CHST11: variants seen among roughly 807,000 people sequenced by gnomAD.
CHST11 encodes C4S-1.
CHST11 carries 9 observed loss-of-function variants against 30.4 expected under a neutral mutation model. The observed-to-expected ratio is 0.30, with a 90% CI of 0.18 to 0.52. The LOEUF is 0.52. CHST11 is among the 20% of genes least tolerant of loss of function. The pLI is 0.97. For synonymous variants in CHST11, 152 were observed against 187.8 expected, an observed-to-expected ratio of 0.81 and a Z score of 1.56; for missense variants, 348 against 460.6, an observed-to-expected ratio of 0.76 and a Z score of 2.24.
At chr12:104,725,379 G>T (rs1013843547) in intron 2 of CHST11, among the ~76,000 whole-genome samples, 1 of 152,162 alleles carries the variant, frequency 6.6e-6, no homozygotes, top group Non-Finnish European at 1.5e-5. Context: ...GCCCAGCCTG[G>T]TCGTATGGGT....
chr12:104,584,011 T>C (rs2038776262), intron 1 of CHST11, among the ~76,000 whole-genome samples: 1 of 151,286 alleles, frequency 6.6e-6, no homozygotes, highest in Non-Finnish European at 1.5e-5. Context: ...CCGCACCCCG[T>C]CCAAAGATCC....
At chr12:104,703,034 C>T (rs1470662998) in intron 2 of CHST11, among the ~76,000 whole-genome samples, 1 of 152,180 alleles carries the variant, frequency 6.6e-6, no homozygotes, top group African/African-American at 2.4e-5. Flanking sequence ...ACTAATCACA[C>T]GCAATGCTGG....
Position 104,620,652 on chromosome 12 carries a change from A to C in CHST11, c.204+18661A>C, listed in dbSNP as rs189982174. Among the ~76,000 whole-genome samples, 298 of 152,136 alleles carry C rather than the reference A, an allele frequency of 2.0e-3. 1 individual carries two copies. Among genetic ancestry groups the C allele is most frequent in the Middle Eastern group, 3.4e-3 (1 of 294 alleles). ...TTTATTTGTTTGTTTGTTTGTTTTT[A>C]TTACTTACCCAGAGTAAAGCGTCAT... is the stretch of plus-strand genomic sequence containing the variant. On this transcript the variant is annotated intron_variant, in intron 2 of 2. Coordinates refer to ENST00000303694, the MANE Select transcript of CHST11 (RefSeq NM_018413.6).
intron 2 of CHST11, among the ~76,000 whole-genome samples, chr12:104,737,276 G>A (rs888837714): frequency 5.9e-5 from 9 of 152,252 alleles, no homozygotes; most frequent in Non-Finnish European, 8.8e-5. Flanking sequence ...GGAGGTCATC[G>A]TGGGGGTGGC....
intron 2 of CHST11, among the ~76,000 whole-genome samples, chr12:104,637,621 G>A (rs950480869): frequency 6.6e-6 from 1 of 152,054 alleles, no homozygotes; most frequent in African/African-American, 2.4e-5. Flanking sequence ...CTCTAACAAC[G>A]TCCATGAGGG....
intron 1 of CHST11, among the ~76,000 whole-genome samples, chr12:104,472,200 C>T (rs1346184082): frequency 6.7e-6 from 1 of 150,352 alleles, no homozygotes; most frequent in African/African-American, 2.5e-5. Flanking sequence ...GTCTCAAATG[C>T]CTGGGCTCAA....
At chr12:104,617,224 T>C (rs1226405217) in intron 2 of CHST11, among the ~76,000 whole-genome samples, 1 of 151,584 alleles carries the variant, frequency 6.6e-6, no homozygotes, top group African/African-American at 2.4e-5. Flanking sequence ...GTCCCTGGAG[T>C]GAAGGGGATT....
intron 2 of CHST11, among the ~76,000 whole-genome samples, chr12:104,746,999 C>T (rs1338935757): frequency 6.6e-6 from 1 of 152,222 alleles, no homozygotes. Context: ...TGCCGGTCAC[C>T]ACTCCAGTCC....
chr12:104,702,082 CGAGAGACTCTGCT>C (rs2039994194), intron 2 of CHST11, among the ~76,000 whole-genome samples: 2 of 151,904 alleles, frequency 1.3e-5, no homozygotes, highest in Non-Finnish European at 2.9e-5. Context: ...AGAAGCAGGC[CGAGAGACTCTGCT>C]CTATGACATT....
At chr12:104,494,347 C>T (rs1245497330) in intron 1 of CHST11, among the ~76,000 whole-genome samples, 2 of 152,224 alleles carry the variant, frequency 1.3e-5, no homozygotes, top group Admixed American at 1.3e-4. Context: ...CCGTCACTGC[C>T]TTAAAGCCAC....
intron 2 of CHST11, among the ~76,000 whole-genome samples, chr12:104,653,295 C>T (rs1475990944): frequency 6.6e-6 from 1 of 152,178 alleles, no homozygotes; most frequent in Non-Finnish European, 1.5e-5. Context: ...TGTCCTCAGG[C>T]TCCTCCATGT....
chr12:104,672,841 A>G (rs1361770202), intron 2 of CHST11, among the ~76,000 whole-genome samples: 2 of 152,136 alleles, frequency 1.3e-5, no homozygotes, highest in Non-Finnish European at 2.9e-5. Context: ...CACCACTCAG[A>G]CACCCAGGCG....
chr12:104,462,808 C>T (rs1217702771), intron 1 of CHST11, among the ~76,000 whole-genome samples: 1 of 152,142 alleles, frequency 6.6e-6, no homozygotes, highest in Admixed American at 6.5e-5. Context: ...AAGGAGAAGA[C>T]ATTTTTAGCA....
chr12:104,462,039 C>T lies in CHST11; in HGVS notation c.118+4510C>T, dbSNP rs373803287. ...AAAATTAGCCGGGCGTGGTGGTGCACGCCTGTAATCCCAGCTACTTGGGAG... is the reference window on the plus strand; with the variant it reads ...AAAATTAGCCGGGCGTGGTGGTGCATGCCTGTAATCCCAGCTACTTGGGAG... On this transcript the variant is annotated intron_variant, in intron 1 of 2. Transcript: ENST00000303694. Among the ~76,000 whole-genome samples, 33 of 151,206 alleles carry T rather than the reference C, an allele frequency of 2.2e-4. No homozygotes were observed. The East Asian group carries it at 5.2e-3, about 24-fold the overall frequency.
intron 2 of CHST11, among the ~76,000 whole-genome samples, chr12:104,734,183 G>T (rs1368709467): frequency 1.3e-5 from 2 of 152,250 alleles, no homozygotes; most frequent in Non-Finnish European, 2.9e-5. Flanking sequence ...CCCAGCCCAT[G>T]CTTCTCTGCA....
chr12:104,633,125 G>A (rs558387847), intron 2 of CHST11, among the ~76,000 whole-genome samples: 9 of 152,338 alleles, frequency 5.9e-5, no homozygotes, highest in African/African-American at 2.2e-4. Flanking sequence ...AGCAGGATGA[G>A]GGGGCTGCCC....
At chr12:104,743,681 G>A (rs79136840) in intron 2 of CHST11, among the ~76,000 whole-genome samples, 1,604 of 152,158 alleles carry the variant, frequency 0.011, 32 homozygotes, top group African/African-American at 0.037. Flanking sequence ...TTGGGTCATG[G>A]GGGTCTGTTG....
At chr12:104,734,424 G>A (rs991175995) in intron 2 of CHST11, among the ~76,000 whole-genome samples, 7 of 152,274 alleles carry the variant, frequency 4.6e-5, no homozygotes, top group Non-Finnish European at 8.8e-5. Flanking sequence ...CCCCGGGCCC[G>A]TTGTATAGTT....
chr12:104,755,706 A>C (rs1039954254), intron 2 of CHST11, among the ~76,000 whole-genome samples: 1 of 152,126 alleles, frequency 6.6e-6, no homozygotes, highest in African/African-American at 2.4e-5. Context: ...GAATTGCTTG[A>C]ACTCTGGAGG....
Sources: gnomAD v4.1 joint callset for allele counts (sites outside exome capture counted in the v4.1 genomes callset) on GRCh38, gnomAD v4.1.1 for gene constraint, MANE v1.5 for transcripts, NCBI Gene and HGNC (gene_info 2026-07-23, HGNC 2026-07-21) for gene names.